ESRRG: variants seen among roughly 807,000 people sequenced by gnomAD.
ESRRG encodes the protein estrogen-related receptor gamma.
In ESRRG, 13 loss-of-function variants were observed where a neutral mutation model predicts 44.0. The observed-to-expected ratio is 0.30, with a 90% CI of 0.19 to 0.47. ESRRG has a LOEUF of 0.47. ESRRG is among the 20% of genes least tolerant of loss of function. The pLI, the probability that ESRRG is intolerant of heterozygous loss-of-function variation, is 1.00. For synonymous variants in ESRRG, 215 were observed against 214.6 expected (o/e 1.00, Z -0.02); for missense variants, 395 against 580.6 (o/e 0.68, Z 3.29).
At chr1:216,709,652 T>A (rs2083196722) in intron 1 of ESRRG, among the ~76,000 whole-genome samples, 1 of 151,824 alleles carries the variant, frequency 6.6e-6, no homozygotes, top group Non-Finnish European at 1.5e-5. Context: ...TTAACTATGA[T>A]TTTTTTGCCA....
At chr1:216,663,552 T>G (rs1227004824) in intron 2 of ESRRG, among the ~76,000 whole-genome samples, 1 of 152,026 alleles carries the variant, frequency 6.6e-6, no homozygotes, top group Non-Finnish European at 1.5e-5. Flanking sequence ...CAAACCAAGA[T>G]AAAATGAGAT....
intron 1 of ESRRG, among the ~76,000 whole-genome samples, chr1:216,694,348 C>T (rs1575415658): frequency 2.6e-5 from 4 of 152,070 alleles, no homozygotes; most frequent in African/African-American, 9.6e-5. Context: ...GGGGGTGGTG[C>T]TGAAGAATAC....
chr1:216,545,144 A>T (rs1187737447), intron 5 of ESRRG, among the ~76,000 whole-genome samples: 1 of 149,722 alleles, frequency 6.7e-6, no homozygotes, highest in Non-Finnish European at 1.5e-5. Flanking sequence ...CCAGGGTTCA[A>T]GCAAAAAATC....
At position 216,915,550 on chromosome 1, in the gene ESRRG, C is replaced by T. The variant is rs540103567; in HGVS notation, c.-14+24032G>A. Among the ~76,000 whole-genome samples the T allele has an allele frequency of 4.6e-5, 7 of 152,200 alleles. No individual in the cohort carries two copies. The South Asian group carries it at 1.5e-3, about 32-fold the overall frequency. The stretch of plus-strand genomic sequence containing the variant: ...ATACAAAATCAAATCAATCTACCAT[C>T]CAACCCAAAACAGCCAAGATAGCTA... On this transcript the variant is annotated intron_variant, in intron 2 of 7. Coordinates refer to the ESRRG transcript ENST00000359162.
chr1:216,884,387 A>G (rs1263401650), intron 2 of ESRRG, among the ~76,000 whole-genome samples: 7 of 152,222 alleles, frequency 4.6e-5, no homozygotes, highest in Admixed American at 4.6e-4. Flanking sequence ...ATTTACTGAG[A>G]GCCTACTATG....
chr1:216,906,699 G>T (rs2059721725), intron 2 of ESRRG, among the ~76,000 whole-genome samples: 1 of 152,204 alleles, frequency 6.6e-6, no homozygotes, highest in Non-Finnish European at 1.5e-5. Context: ...TAGGACATGG[G>T]ACCCAACACC....
intron 3 of ESRRG, among the ~76,000 whole-genome samples, chr1:216,572,807 G>A (rs964275185): frequency 2.0e-5 from 3 of 151,898 alleles, no homozygotes; most frequent in Admixed American, 6.6e-5. Context: ...AAAAAGTAAC[G>A]CTATGAAGAT....
intron 1 of ESRRG, among the ~76,000 whole-genome samples, chr1:216,986,720 C>A (rs2150456567): frequency 6.6e-6 from 1 of 152,070 alleles, no homozygotes; most frequent in South Asian, 2.1e-4. Flanking sequence ...GAGAGAGACT[C>A]TGCCTCAAAA....
chr1:216,513,029 T>C (rs948117422), intron 6 of ESRRG, among the ~76,000 whole-genome samples: 1 of 152,168 alleles, frequency 6.6e-6, no homozygotes, highest in Non-Finnish European at 1.5e-5. Context: ...TGTCCATACA[T>C]TGTCTTACAC....
intron 2 of ESRRG, among the ~76,000 whole-genome samples, chr1:216,919,439 A>G (rs111524101): frequency 8.3e-4 from 126 of 152,338 alleles, no homozygotes; most frequent in African/African-American, 2.8e-3. Flanking sequence ...GACCAATCAT[A>G]CAGCTAGAAC....
intron 3 of ESRRG, among the ~76,000 whole-genome samples, chr1:216,638,803 A>C (rs1163789419): frequency 6.6e-6 from 1 of 152,170 alleles, no homozygotes; most frequent in Non-Finnish European, 1.5e-5. Flanking sequence ...TTGGAGATAG[A>C]CTTACAATGT....
intron 2 of ESRRG, among the ~76,000 whole-genome samples, chr1:216,754,372 C>T (rs910252635): frequency 4.6e-5 from 7 of 151,978 alleles, no homozygotes; most frequent in African/African-American, 1.4e-4. Context: ...TCTAGAGTCC[C>T]GTATCTTTTT....
intron 2 of ESRRG, among the ~76,000 whole-genome samples, chr1:216,807,470 T>C (rs1442108491): frequency 3.3e-5 from 5 of 152,182 alleles, no homozygotes; most frequent in African/African-American, 9.6e-5. Context: ...TCTTTCAACA[T>C]AGTTTCTTTT....
At chr1:217,137,576 C>T (rs12073272) in intron 1 of ESRRG, 3,726 of 152,412 alleles carry the variant, frequency 0.024, 170 homozygotes, top group African/African-American at 0.084. Context: ...GTCCCGAGCG[C>T]GCTTGCTTAA....
intron 5 of ESRRG, among the ~76,000 whole-genome samples, chr1:216,541,735 A>C (rs1558374356): frequency 6.6e-6 from 1 of 151,850 alleles, no homozygotes; most frequent in Non-Finnish European, 1.5e-5. Flanking sequence ...CAATTTTTTT[A>C]ACTTCTATTT....
At chr1:216,929,664 G>A (rs185839342) in intron 2 of ESRRG, among the ~76,000 whole-genome samples, 8 of 152,270 alleles carry the variant, frequency 5.3e-5, no homozygotes, top group African/African-American at 1.4e-4. Context: ...CTTTGCAGGA[G>A]TTTAGGAAAG....
chr1:216,852,512 G>A (rs2095857254), intron 2 of ESRRG, among the ~76,000 whole-genome samples: 1 of 152,072 alleles, frequency 6.6e-6, no homozygotes, highest in Admixed American at 6.6e-5. Context: ...AGCATATCTT[G>A]CGTTTTATTT....
chr1:216,856,352 A>AACACACACACACACACACACAC (rs5780935), intron 2 of ESRRG, among the ~76,000 whole-genome samples: 4 of 141,980 alleles, frequency 2.8e-5, no homozygotes, highest in Admixed American at 7.1e-5. Flanking sequence ...TTCTCTCTTC[A>AACACACACACACACACACACAC]ACACACACAC....
chr1:216,961,787 C>G (rs2069141429), intron 1 of ESRRG, among the ~76,000 whole-genome samples: 2 of 152,106 alleles, frequency 1.3e-5, no homozygotes, highest in Admixed American at 1.3e-4. Context: ...AGTAAAACTT[C>G]ATTTAAGTTT....
Sources: allele counts gnomAD v4.1 joint callset (sites outside exome capture counted in the v4.1 genomes callset), GRCh38; gene constraint gnomAD v4.1.1; transcripts MANE v1.5; gene names NCBI Gene and HGNC (gene_info 2026-07-23, HGNC 2026-07-21).